TANC2: variants seen among roughly 807,000 people sequenced by gnomAD.
TANC2 encodes tetratricopeptide repeat, ankyrin repeat and coiled-coil containing 2, also known as protein TANC2.
In TANC2, 26 loss-of-function variants were observed where a neutral mutation model predicts 210.5. The observed-to-expected ratio is 0.12, with a 90% CI of 0.09 to 0.17. The LOEUF is 0.17. Among genes scored for constraint, TANC2 ranks in the 10% least tolerant of loss-of-function variants. The pLI is 1.00. For synonymous variants in TANC2, 931 were observed against 967.1 expected (o/e 0.96, Z 0.69); for missense variants, 2,129 against 2,608.9 (o/e 0.82, Z 4.01).
At chr17:63,220,914 A>C (rs963398758) in intron 7 of TANC2, among the ~76,000 whole-genome samples, 2 of 151,502 alleles carry the variant, frequency 1.3e-5, no homozygotes, top group African/African-American at 4.8e-5. Flanking sequence ...AAGAAAAAAC[A>C]GTTTGTCTTT....
intron 2 of TANC2, among the ~76,000 whole-genome samples, chr17:63,043,751 T>C (rs1486004966): frequency 6.6e-6 from 1 of 152,186 alleles, no homozygotes; most frequent in Non-Finnish European, 1.5e-5. Flanking sequence ...TTTTGTTTTC[T>C]AAAATCCCTT....
chr17:63,323,430 G>T (rs758506294), intron 11 of TANC2, among the ~76,000 whole-genome samples: 1 of 152,268 alleles, frequency 6.6e-6, no homozygotes, highest in Middle Eastern at 3.4e-3. Context: ...TCTCTCGAGC[G>T]TGTCTCCACT....
At chr17:63,394,876 T>C (rs563932580) in intron 17 of TANC2, among the ~76,000 whole-genome samples, 2 of 152,374 alleles carry the variant, frequency 1.3e-5, no homozygotes, top group East Asian at 3.9e-4. Context: ...CCTATATATT[T>C]ACTGTCTTAT....
rs1596355 is a variant in TANC2 at position 63,190,396 on chromosome 17, T to G, written c.434-3595T>G. ...ATGTAAGAGTATTATTTCTGGACTCTTTATTTCATTGGTCTATTCTGATGC... is the reference window on the plus strand; with the variant it reads ...ATGTAAGAGTATTATTTCTGGACTCGTTATTTCATTGGTCTATTCTGATGC... On this transcript the variant is annotated intron_variant, in intron 5 of 27. Transcript: ENST00000689528. Among the ~76,000 whole-genome samples the G allele has an allele frequency of 2.3e-3, 348 of 152,320 alleles. 3 individuals carry two copies. In the East Asian group the frequency reaches 0.057, roughly 25 times the overall value.
intron 5 of TANC2, among the ~76,000 whole-genome samples, chr17:63,158,030 GTTAT>G (rs903268151): frequency 3.9e-5 from 6 of 152,214 alleles, no homozygotes; most frequent in African/African-American, 1.4e-4. Context: ...GTATACTGTA[GTTAT>G]TGGGCATCTT....
chr17:63,348,960 A>G (rs918846995), intron 12 of TANC2, among the ~76,000 whole-genome samples: 1 of 152,164 alleles, frequency 6.6e-6, no homozygotes, highest in African/African-American at 2.4e-5. Flanking sequence ...TTACAGCATT[A>G]GTAGCATTAG....
At position 63,413,763 on chromosome 17, in the gene TANC2, A is replaced by G. The variant is rs917772997; in HGVS notation, c.4020+129A>G. The G allele has an allele frequency of 1.2e-5, 10 of 806,536 alleles. No homozygotes were observed. The East Asian group carries it at 2.5e-4, about 20-fold the overall frequency. The allele number at this position is 806,536 out of a possible 1,614,324, so 50.0% of individuals were successfully genotyped here. A position where few individuals can be genotyped will look rare whatever the true frequency, so the allele number is the denominator to read the frequency against. On this transcript the variant is annotated intron_variant, in intron 25 of 27. Transcript: ENST00000689528. Reference sequence around the variant, plus strand: ...AAAGGGAAACTACTGTTCCTCAGTGATGGCCTCATATGTTGGGGATCCTGG... The same window carrying G: ...AAAGGGAAACTACTGTTCCTCAGTGGTGGCCTCATATGTTGGGGATCCTGG...
intron 4 of TANC2, among the ~76,000 whole-genome samples, chr17:63,144,166 T>C (rs2039386483): frequency 6.6e-6 from 1 of 152,186 alleles, no homozygotes; most frequent in African/African-American, 2.4e-5. Context: ...GATTTCAATA[T>C]TTTTTAAATG....
intron 8 of TANC2, among the ~76,000 whole-genome samples, chr17:63,254,568 G>A (rs185890173): frequency 1.1e-4 from 17 of 152,186 alleles, no homozygotes; most frequent in African/African-American, 4.1e-4. Context: ...TTGGAGGAAA[G>A]GCTTTTAGTT....
Position 63,379,314 on chromosome 17 carries a change from A to C in TANC2, c.2583-404A>C, listed in dbSNP as rs529713618. On this transcript the variant is annotated intron_variant, in intron 14 of 27. Transcript: ENST00000689528. Reference sequence around the variant, plus strand: ...CCTTCCCCAAAAAACCAGTTGAATGATATAGTTTTGTTGGAGGTATGACTG... The same window carrying C: ...CCTTCCCCAAAAAACCAGTTGAATGCTATAGTTTTGTTGGAGGTATGACTG... Among the ~76,000 whole-genome samples the C allele has an allele frequency of 1.3e-4, 20 of 152,302 alleles. No individual in the cohort carries two copies. The South Asian group carries it at 4.1e-3, about 32-fold the overall frequency.
chr17:63,086,506 A>G (rs888321130), intron 3 of TANC2, among the ~76,000 whole-genome samples: 12 of 152,124 alleles, frequency 7.9e-5, no homozygotes, highest in African/African-American at 2.2e-4. Context: ...CTTAATTTCT[A>G]TTCTAATGTT....
At chr17:63,150,763 TTAGAG>T (rs2039622099) in intron 4 of TANC2, 1 of 152,208 alleles carries the variant, frequency 6.6e-6, no homozygotes, top group South Asian at 2.1e-4. Context: ...TGACCAAGTA[TTAGAG>T]TAGTTATTTC....
intron 3 of TANC2, among the ~76,000 whole-genome samples, chr17:63,082,329 A>G (rs185627138): frequency 2.6e-5 from 4 of 152,308 alleles, no homozygotes; most frequent in Admixed American, 2.0e-4. Context: ...TTAGGAAGGT[A>G]TCTATTGGTA....
At chr17:63,140,750 T>G (rs187176350) in intron 4 of TANC2, among the ~76,000 whole-genome samples, 3 of 152,122 alleles carry the variant, frequency 2.0e-5, no homozygotes, top group African/African-American at 7.2e-5. Flanking sequence ...GAGAAACAGT[T>G]TTTTGTTTTG....
intron 5 of TANC2, among the ~76,000 whole-genome samples, chr17:63,192,573 G>T (rs2041221234): frequency 6.6e-6 from 1 of 151,726 alleles, no homozygotes; most frequent in African/African-American, 2.4e-5. Flanking sequence ...ACTGTGTTGT[G>T]CTCATTGGGA....
intron 9 of TANC2, among the ~76,000 whole-genome samples, chr17:63,294,109 T>C (rs1282640177): frequency 6.6e-6 from 1 of 152,212 alleles, no homozygotes; most frequent in Non-Finnish European, 1.5e-5. Context: ...GGAATTCATT[T>C]GTCTGCCATA....
rs553774625 is a variant in TANC2, at chr17:63,086,491, G to T, written c.139+12477G>T. On this transcript the variant is annotated intron_variant, in intron 3 of 27. Coordinates refer to ENST00000689528, the Ensembl canonical transcript of TANC2. ...CAGTCTGCTAATGAGGCCATTAAAGGCATTCTTAATTTCTATTCTAATGTT... is the reference window on the plus strand; with the variant it reads ...CAGTCTGCTAATGAGGCCATTAAAGTCATTCTTAATTTCTATTCTAATGTT... Among the ~76,000 whole-genome samples the T allele has an allele frequency of 1.1e-4, 17 of 152,170 alleles. No homozygotes were observed. In the South Asian group the frequency reaches 3.5e-3, roughly 32 times the overall value.
At chr17:63,087,160 C>G (rs1193317902) in intron 3 of TANC2, among the ~76,000 whole-genome samples, 2 of 152,212 alleles carry the variant, frequency 1.3e-5, no homozygotes, top group Non-Finnish European at 1.5e-5. Flanking sequence ...CAAATCCGGA[C>G]ACACTGTAAC....
At chr17:62,982,636 C>A (rs898039787) in intron 1 of TANC2, among the ~76,000 whole-genome samples, 1 of 152,194 alleles carries the variant, frequency 6.6e-6, no homozygotes, top group Admixed American at 6.5e-5. Flanking sequence ...CCCTTTAGTA[C>A]CCTGACTCCA....
Sources: gnomAD v4.1 joint callset for allele counts (sites outside exome capture counted in the v4.1 genomes callset) on GRCh38, gnomAD v4.1.1 for gene constraint, MANE v1.5 for transcripts, NCBI Gene and HGNC (gene_info 2026-07-23, HGNC 2026-07-21) for gene names.